SUGCT: variants seen among roughly 807,000 people sequenced by gnomAD.
The protein encoded by SUGCT is succinyl-CoA:glutarate-CoA transferase.
In SUGCT, 41 loss-of-function variants were observed where a neutral mutation model predicts 55.0. The ratio of observed to expected loss-of-function variants is 0.74; its 90% CI spans 0.58 to 0.97. SUGCT has a LOEUF of 0.97. SUGCT is among the 50% of genes least tolerant of loss of function. The pLI is 0.00. For synonymous variants in SUGCT, 187 were observed against 200.4 expected (o/e 0.93, Z 0.56); for missense variants, 568 against 547.8 (o/e 1.04, Z -0.37).
chr7:41,009,051 T>A, the SUGCT span, among the ~76,000 whole-genome samples: 5 of 152,026 alleles, frequency 3.3e-5, no homozygotes, highest in Non-Finnish European at 7.4e-5. Flanking sequence ...AAAATGCAGT[T>A]CTAAAGAATG....
intron 7 of SUGCT, among the ~76,000 whole-genome samples, chr7:40,268,714 A>G (rs1443919361): frequency 6.6e-6 from 1 of 151,564 alleles, no homozygotes; most frequent in Non-Finnish European, 1.5e-5. Context: ...CAGTGGTGCA[A>G]TCTTGGCCCA....
chr7:40,911,152 G>A, the SUGCT span, among the ~76,000 whole-genome samples: 1 of 152,094 alleles, frequency 6.6e-6, no homozygotes, highest in Non-Finnish European at 1.5e-5. Context: ...TGACTTTCCT[G>A]ATACTGCTTC....
chr7:40,872,779 T>C, the SUGCT span, among the ~76,000 whole-genome samples: 1 of 152,262 alleles, frequency 6.6e-6, no homozygotes, highest in Non-Finnish European at 1.5e-5. Context: ...GGGTATCTGC[T>C]AACCCAGAAC....
chr7:40,136,060 G>C (rs1417952756), intron 1 of SUGCT, among the ~76,000 whole-genome samples: 2 of 151,264 alleles, frequency 1.3e-5, no homozygotes, highest in Admixed American at 6.6e-5. Flanking sequence ...GCAGTGGCGC[G>C]ATCTTGGTTC....
At chr7:40,244,287 G>A (rs1042273887) in intron 7 of SUGCT, among the ~76,000 whole-genome samples, 1 of 152,208 alleles carries the variant, frequency 6.6e-6, no homozygotes, top group Non-Finnish European at 1.5e-5. Flanking sequence ...ATAGAATGTG[G>A]ATGGATTAAG....
At chr7:40,802,546 A>T (rs10225445) in intron 13 of SUGCT, among the ~76,000 whole-genome samples, 47,779 of 152,072 alleles carry the variant, frequency 0.31, 7,933 homozygotes, top group South Asian at 0.44. Flanking sequence ...CTTTAAAGCC[A>T]TGTAAACACC....
At chr7:40,209,819 A>C (rs1403218082) in intron 6 of SUGCT, among the ~76,000 whole-genome samples, 1 of 152,076 alleles carries the variant, frequency 6.6e-6, no homozygotes, top group Non-Finnish European at 1.5e-5. Flanking sequence ...CAAACAAAAG[A>C]ATAAAGATTT....
the SUGCT span, among the ~76,000 whole-genome samples, chr7:40,986,590 C>G: frequency 3.3e-5 from 5 of 152,176 alleles, no homozygotes; most frequent in Non-Finnish European, 7.3e-5. Context: ...GGTCATTACT[C>G]TCTTCTGACG....
intron 13 of SUGCT, among the ~76,000 whole-genome samples, chr7:40,767,609 A>G (rs551710350): frequency 2.6e-5 from 4 of 152,336 alleles, no homozygotes; most frequent in Admixed American, 2.6e-4. Flanking sequence ...ATGCTGACCC[A>G]TCAGGTGGGG....
chr7:40,715,106 A>G (rs917774171), intron 12 of SUGCT, among the ~76,000 whole-genome samples: 13 of 152,198 alleles, frequency 8.5e-5, no homozygotes, highest in Admixed American at 5.9e-4. Flanking sequence ...GATTATAAAA[A>G]TCACACTTTT....
chr7:40,477,922 A>G (rs1416237860), intron 11 of SUGCT, among the ~76,000 whole-genome samples: 3 of 152,152 alleles, frequency 2.0e-5, no homozygotes, highest in East Asian at 1.9e-4. Context: ...CAGTATGTCA[A>G]TAGAGAACAA....
At chr7:40,994,492 G>C in the SUGCT span, among the ~76,000 whole-genome samples, 8 of 151,994 alleles carry the variant, frequency 5.3e-5, no homozygotes, top group African/African-American at 1.7e-4. Context: ...CAAGTGTAAA[G>C]AGATTGGAGC....
intron 12 of SUGCT, among the ~76,000 whole-genome samples, chr7:40,671,285 A>G (rs548838119): frequency 3.9e-5 from 6 of 152,340 alleles, no homozygotes; most frequent in African/African-American, 1.4e-4. Context: ...GCATTTGACA[A>G]AAATGAAACA....
intron 13 of SUGCT, among the ~76,000 whole-genome samples, chr7:40,829,345 C>T (rs878945505): frequency 1.3e-5 from 2 of 152,182 alleles, no homozygotes; most frequent in South Asian, 4.1e-4. Context: ...CTTTGCCATA[C>T]ACTGTTGCTC....
At chr7:40,637,418 G>A (rs1800067782) in intron 12 of SUGCT, among the ~76,000 whole-genome samples, 1 of 152,226 alleles carries the variant, frequency 6.6e-6, no homozygotes, top group Non-Finnish European at 1.5e-5. Flanking sequence ...CTGAGGCATA[G>A]GAACCAGGAT....
At chr7:40,896,859 C>T in the SUGCT span, among the ~76,000 whole-genome samples, 2 of 152,140 alleles carry the variant, frequency 1.3e-5, no homozygotes, top group East Asian at 3.9e-4. Flanking sequence ...AAAAAACAAT[C>T]CTAAAATCTA....
intron 12 of SUGCT, among the ~76,000 whole-genome samples, chr7:40,562,256 G>A (rs112300090): frequency 0.042 from 6,255 of 150,410 alleles, 430 homozygotes; most frequent in African/African-American, 0.15. Flanking sequence ...TCGAGATCGC[G>A]TGACTGCACT....
rs556743387 is a variant in SUGCT, at chr7:40,576,210, T to G, written c.1089+79824T>G. 4.6e-5 allele frequency among the ~76,000 whole-genome samples: 7 copies of G among 152,318 alleles called. No homozygotes were observed. In the South Asian group the frequency reaches 1.4e-3, roughly 32 times the overall value. On this transcript the variant is annotated intron_variant, in intron 12 of 13. Transcript: ENST00000335693. ...CAGAGCAGGAATGTGTTTAAAAGAATTAAAAGTGATGAGAAGTGTTTATCT... is the reference window on the plus strand; with the variant it reads ...CAGAGCAGGAATGTGTTTAAAAGAAGTAAAAGTGATGAGAAGTGTTTATCT...
chr7:40,709,333 T>C (rs1785584780), intron 12 of SUGCT, among the ~76,000 whole-genome samples: 1 of 152,218 alleles, frequency 6.6e-6, no homozygotes, highest in East Asian at 1.9e-4. Context: ...CTTAGCCTAT[T>C]TCCCTAGAAA....
Sources: gnomAD v4.1 joint callset for allele counts (sites outside exome capture counted in the v4.1 genomes callset) on GRCh38, gnomAD v4.1.1 for gene constraint, MANE v1.5 for transcripts, NCBI Gene and HGNC (gene_info 2026-07-23, HGNC 2026-07-21) for gene names.